GARIN2: variants seen among roughly 807,000 people sequenced by gnomAD.
GARIN2 encodes golgi associated RAB2 interactor family member 2.
At chr14:67,199,247 A>G in the GARIN2 span, 1 of 1,599,834 alleles carries the variant, frequency 6.3e-7, no homozygotes, top group Non-Finnish European at 8.6e-7. Flanking sequence ...TGAATTCTTG[A>G]GTGAGGATGA....
At chr14:67,219,234 T>G in the GARIN2 span, among the ~76,000 whole-genome samples, 1 of 152,180 alleles carries the variant, frequency 6.6e-6, no homozygotes, top group Non-Finnish European at 1.5e-5. Context: ...GGACTGTAGG[T>G]GTTTTTGGTA....
chr14:67,201,737 G>A, the GARIN2 span: 6 of 337,320 alleles, frequency 1.8e-5, no homozygotes, highest in Non-Finnish European at 3.5e-5. Context: ...AAGAAGAGGG[G>A]CACAGTTTGG....
At chr14:67,206,173 C>T in the GARIN2 span, among the ~76,000 whole-genome samples, 2 of 151,384 alleles carry the variant, frequency 1.3e-5, no homozygotes, top group African/African-American at 4.9e-5. Context: ...AACAGTCACA[C>T]CCTGTCTCAA....
the GARIN2 span, among the ~76,000 whole-genome samples, chr14:67,226,641 G>A: frequency 1.2e-4 from 18 of 144,186 alleles, no homozygotes; most frequent in Non-Finnish European, 2.4e-4. Flanking sequence ...GATTACAGGC[G>A]TGAGCCACTG....
chr14:67,222,482 G>T, the GARIN2 span, among the ~76,000 whole-genome samples: 1,836 of 152,210 alleles, frequency 0.012, 19 homozygotes, highest in Non-Finnish European at 0.018. Context: ...CACCATGTTG[G>T]CCAGGATGGT....
At chr14:67,208,256 A>C in the GARIN2 span, 1 of 1,614,066 alleles carries the variant, frequency 6.2e-7, no homozygotes, top group Non-Finnish European at 8.5e-7. Flanking sequence ...AAAAAGTAAG[A>C]GTGAGTTGAA....
At chr14:67,223,710 T>G in the GARIN2 span, 2 of 977,386 alleles carry the variant, frequency 2.0e-6, no homozygotes, top group Non-Finnish European at 1.2e-6. Flanking sequence ...CTTATTTCTT[T>G]CCACCTTTTT....
the GARIN2 span, chr14:67,199,607 A>C: frequency 6.3e-7 from 1 of 1,589,556 alleles, no homozygotes; most frequent in Non-Finnish European, 8.6e-7. Context: ...GAAGGACTCC[A>C]AGGGTGAGCG....
chr14:67,218,461 G>C, the GARIN2 span, among the ~76,000 whole-genome samples: 12 of 152,198 alleles, frequency 7.9e-5, no homozygotes, highest in African/African-American at 2.9e-4. Flanking sequence ...CAGCCTGTGG[G>C]CTGTTTCTGA....
At chr14:67,201,319 A>T in the GARIN2 span, 58 of 351,570 alleles carry the variant, frequency 1.6e-4, no homozygotes, top group South Asian at 1.6e-4. Context: ...AAATATTTTT[A>T]AAAAAATTTA....
At chr14:67,201,809 C>T in the GARIN2 span, 1 of 265,684 alleles carries the variant, frequency 3.8e-6, no homozygotes, top group South Asian at 3.8e-5. Flanking sequence ...TTTAATTGAA[C>T]CAATTATCAT....
chr14:67,200,065 C>T, the GARIN2 span: 1 of 950,630 alleles, frequency 1.1e-6, no homozygotes, highest in African/African-American at 1.6e-5. Flanking sequence ...GCCACCACCC[C>T]AACCACCACC....
At chr14:67,224,425 A>G in the GARIN2 span, among the ~76,000 whole-genome samples, 1 of 151,584 alleles carries the variant, frequency 6.6e-6, no homozygotes, top group African/African-American at 2.4e-5. Flanking sequence ...TGCCTAGCTA[A>G]TTGTTTTTGT....
chr14:67,205,574 A>G, the GARIN2 span, among the ~76,000 whole-genome samples: 1 of 152,242 alleles, frequency 6.6e-6, no homozygotes. Flanking sequence ...ATAAAAAACA[A>G]AACAAAGTGA....
the GARIN2 span, among the ~76,000 whole-genome samples, chr14:67,207,486 C>G: frequency 6.6e-6 from 1 of 151,904 alleles, no homozygotes; most frequent in Non-Finnish European, 1.5e-5. Flanking sequence ...CCACTAGGCC[C>G]ACTTCCAACA....
chr14:67,196,961 C>T, the GARIN2 span: 1 of 152,098 alleles, frequency 6.6e-6, no homozygotes, highest in Non-Finnish European at 1.5e-5. Flanking sequence ...CAGGCTCTCG[C>T]TCTGATGCCC....
chr14:67,200,099 C>A, the GARIN2 span: 1 of 1,027,352 alleles, frequency 9.7e-7, no homozygotes, highest in Middle Eastern at 2.8e-4. Flanking sequence ...CCTGGACCTC[C>A]TCCAATGGGC....
chr14:67,222,798 T>C, the GARIN2 span, among the ~76,000 whole-genome samples: 1 of 151,944 alleles, frequency 6.6e-6, no homozygotes, highest in African/African-American at 2.4e-5. Context: ...TCAGCTTCAG[T>C]CATGCACATA....
chr14:67,193,356 A>ATC, the GARIN2 span, among the ~76,000 whole-genome samples: 3 of 133,034 alleles, frequency 2.3e-5, no homozygotes, highest in Non-Finnish European at 3.3e-5. Context: ...CTATATAGAG[A>ATC]TATATAATCT....
Sources: gnomAD v4.1 joint callset for allele counts (sites outside exome capture counted in the v4.1 genomes callset) on GRCh38, gnomAD v4.1.1 for gene constraint, MANE v1.5 for transcripts, NCBI Gene and HGNC (gene_info 2026-07-23, HGNC 2026-07-21) for gene names.